Variants in MACROD2 observed in about 807,000 individuals in gnomAD.
MACROD2 encodes the protein mono-ADP ribosylhydrolase 2.
In MACROD2, 36 loss-of-function variants were observed where a neutral mutation model predicts 70.4. The observed-to-expected ratio is 0.51, with a 90% CI of 0.39 to 0.68. The LOEUF (loss-of-function observed/expected upper bound fraction) is 0.68. Among genes scored for constraint, MACROD2 ranks in the 30% least tolerant of loss-of-function variants. MACROD2 has a pLI of 0.00. For missense variants in MACROD2, 496 were observed against 538.4 expected, an observed-to-expected ratio of 0.92 and a Z score of 0.78; for synonymous variants, 172 against 178.8, an observed-to-expected ratio of 0.96 and a Z score of 0.30.
intron 5 of MACROD2, among the ~76,000 whole-genome samples, chr20:14,976,415 A>T (rs928727139): frequency 6.6e-6 from 1 of 152,004 alleles, no homozygotes; most frequent in Admixed American, 6.6e-5. Flanking sequence ...CTCTGCCCCC[A>T]TCCTTGTCAT....
intron 12 of MACROD2, among the ~76,000 whole-genome samples, chr20:15,966,971 A>G (rs2066149630): frequency 6.6e-6 from 1 of 152,148 alleles, no homozygotes; most frequent in Non-Finnish European, 1.5e-5. Context: ...ATCCTATAAC[A>G]AAAAAAGATA....
At chr20:15,456,386 A>G (rs756824299) in intron 7 of MACROD2, among the ~76,000 whole-genome samples, 6 of 152,142 alleles carry the variant, frequency 3.9e-5, no homozygotes, top group Admixed American at 1.3e-4. Flanking sequence ...ACACCCATTA[A>G]TGACTCTTCC....
chr20:15,883,578 G>A (rs2064784946), intron 9 of MACROD2, among the ~76,000 whole-genome samples: 1 of 120,180 alleles, frequency 8.3e-6, no homozygotes, highest in Non-Finnish European at 1.8e-5. Context: ...TCTTTCCTCT[G>A]ACTAATAAAT....
chr20:14,503,765 G>A (rs1348156420), intron 4 of MACROD2, among the ~76,000 whole-genome samples: 1 of 152,162 alleles, frequency 6.6e-6, no homozygotes, highest in Non-Finnish European at 1.5e-5. Context: ...CACACCAAAG[G>A]CCTCACACTT....
chr20:14,320,348 C>G (rs573892742), intron 3 of MACROD2, among the ~76,000 whole-genome samples: 41 of 152,170 alleles, frequency 2.7e-4, no homozygotes, highest in African/African-American at 9.9e-4. Flanking sequence ...TTCCCCTTGC[C>G]TGAAATACTG....
At chr20:14,774,347 G>A (rs1169531083) in intron 5 of MACROD2, among the ~76,000 whole-genome samples, 1 of 152,018 alleles carries the variant, frequency 6.6e-6, no homozygotes, top group African/African-American at 2.4e-5. Context: ...TCTGCTAGAA[G>A]TGTCAGAGCT....
At chr20:14,954,661 A>C (rs1427668832) in intron 5 of MACROD2, among the ~76,000 whole-genome samples, 4 of 128,464 alleles carry the variant, frequency 3.1e-5, no homozygotes, top group Non-Finnish European at 4.7e-5. Context: ...AATTTAGGTA[A>C]ATATACATAT....
chr20:15,349,954 T>C (rs2078209840), intron 6 of MACROD2, among the ~76,000 whole-genome samples: 1 of 152,080 alleles, frequency 6.6e-6, no homozygotes, highest in Non-Finnish European at 1.5e-5. Context: ...CCCACCCTCT[T>C]CCATCCTGAA....
At chr20:15,322,290 A>T (rs2077881979) in intron 6 of MACROD2, among the ~76,000 whole-genome samples, 1 of 143,858 alleles carries the variant, frequency 7.0e-6, no homozygotes, top group Admixed American at 7.0e-5. Flanking sequence ...TCTGATAGGA[A>T]TTACCTTGAG....
chr20:15,985,768 G>C (rs1040133344), intron 13 of MACROD2: 1 of 152,292 alleles, frequency 6.6e-6, no homozygotes, highest in Non-Finnish European at 1.5e-5. Context: ...ACCAAGAAAC[G>C]TAGCAGGATT....
At chr20:15,681,739 C>A (rs1315223686) in intron 8 of MACROD2, among the ~76,000 whole-genome samples, 1 of 152,118 alleles carries the variant, frequency 6.6e-6, no homozygotes, top group African/African-American at 2.4e-5. Context: ...TTAAAGTAAT[C>A]AGAGTTTCAT....
At chr20:15,412,801 A>G (rs2046096178) in intron 6 of MACROD2, among the ~76,000 whole-genome samples, 1 of 152,202 alleles carries the variant, frequency 6.6e-6, no homozygotes, top group African/African-American at 2.4e-5. Flanking sequence ...ATTAAGATCT[A>G]AATATATCTC....
intron 4 of MACROD2, among the ~76,000 whole-genome samples, chr20:14,539,612 G>T (rs1376094193): frequency 2.0e-5 from 3 of 152,126 alleles, no homozygotes; most frequent in Non-Finnish European, 4.4e-5. Flanking sequence ...AATGCTTCCT[G>T]AAACAAAGTA....
chr20:15,850,200 A>T (rs1169721503), intron 8 of MACROD2, among the ~76,000 whole-genome samples: 2 of 152,152 alleles, frequency 1.3e-5, no homozygotes, highest in South Asian at 4.2e-4. Context: ...GACACAGAGC[A>T]TGCCACCAAG....
intron 9 of MACROD2, among the ~76,000 whole-genome samples, chr20:15,877,951 T>A (rs1438012821): frequency 6.6e-6 from 1 of 152,086 alleles, no homozygotes; most frequent in Admixed American, 6.6e-5. Context: ...ATTTCAGGTG[T>A]CTGTCCATTT....
chr20:15,377,569 A>G (rs1284744715), intron 6 of MACROD2, among the ~76,000 whole-genome samples: 1 of 152,190 alleles, frequency 6.6e-6, no homozygotes, highest in Non-Finnish European at 1.5e-5. Context: ...CATTTATTCC[A>G]CTTAAAAAAT....
At chr20:15,138,503 T>G (rs1601126125) in intron 5 of MACROD2, among the ~76,000 whole-genome samples, 3 of 152,310 alleles carry the variant, frequency 2.0e-5, no homozygotes, top group Admixed American at 2.0e-4. Context: ...GCGTTTCTTG[T>G]GCTATAGGCT....
At chr20:14,271,282 C>T (rs551695153) in intron 3 of MACROD2, among the ~76,000 whole-genome samples, 2 of 152,302 alleles carry the variant, frequency 1.3e-5, no homozygotes, top group African/African-American at 2.4e-5. Context: ...GCCAGGTACT[C>T]CTCTGAGACA....
chr20:14,391,235 A>G (rs138601823), intron 3 of MACROD2, among the ~76,000 whole-genome samples: 186 of 152,306 alleles, frequency 1.2e-3, no homozygotes, highest in Non-Finnish European at 1.3e-3. Context: ...ATGCCCATCA[A>G]TGATAGATTG....
Sources: allele counts gnomAD v4.1 joint callset (sites outside exome capture counted in the v4.1 genomes callset), GRCh38; gene constraint gnomAD v4.1.1; transcripts MANE v1.5; gene names NCBI Gene and HGNC (gene_info 2026-07-23, HGNC 2026-07-21).